MYO1D: variants seen among roughly 807,000 people sequenced by gnomAD.
The protein encoded by MYO1D is unconventional myosin-Id.
Under a neutral mutation model 122.0 loss-of-function variants are expected in MYO1D, and 83 were observed. The ratio of observed to expected loss-of-function variants is 0.68; its 90% CI spans 0.57 to 0.82. The LOEUF (loss-of-function observed/expected upper bound fraction) is 0.82, where lower values mean the gene tolerates loss of function less well. Among genes scored for constraint, MYO1D ranks in the 40% least tolerant of loss-of-function variants. The probability of loss-of-function intolerance (pLI) is 0.00; values close to 1 mark genes in which losing one functional copy is unlikely to be tolerated. For missense variants in MYO1D, 1,157 were observed against 1,269.5 expected (o/e 0.91, Z 1.35); for synonymous variants, 464 against 446.9 (o/e 1.04, Z -0.48).
intron 21 of MYO1D, among the ~76,000 whole-genome samples, chr17:32,536,231 C>CA (rs1447260248): frequency 3.9e-5 from 6 of 152,080 alleles, no homozygotes; most frequent in Non-Finnish European, 8.8e-5. Flanking sequence ...GACAGGGTTT[C>CA]ACCATGTTGG....
At chr17:32,573,717 GC>G (rs1439195291) in intron 21 of MYO1D, among the ~76,000 whole-genome samples, 1 of 152,084 alleles carries the variant, frequency 6.6e-6, no homozygotes, top group East Asian at 1.9e-4. Flanking sequence ...TAGAGACAGG[GC>G]CTTCTTATAT....
chr17:32,667,151 A>G (rs1050377396), intron 16 of MYO1D, among the ~76,000 whole-genome samples: 6 of 152,198 alleles, frequency 3.9e-5, no homozygotes, highest in Non-Finnish European at 7.3e-5. Context: ...AAATATACAA[A>G]ATTTGGTATG....
rs887399366 is a variant in MYO1D at position 32,745,217 on chromosome 17, T to A, written c.1607A>T (p.Tyr536Phe). The A allele has an allele frequency of 6.7e-7, 1 of 1,497,594 alleles. No individual in the cohort carries two copies. The allele number at this position is 1,497,594 out of a possible 1,614,324, so 92.8% of individuals were successfully genotyped here. A position where few individuals can be genotyped will look rare whatever the true frequency, so the allele number is the denominator to read the frequency against. Residue 536 changes from tyrosine to phenylalanine, a missense_variant, in exon 13 of 22, where the codon TAT becomes TTT. By Grantham distance (22) the Tyr-to-Phe change is conservative. Coordinates refer to ENST00000318217, the MANE Select transcript of MYO1D (RefSeq NM_015194.3). ...TLFQDFKRLM[Y>F]NSSNPVLKNM... ...AATAAAATTTCAATCTTACCTGTTATACATAAGGCGCTTGAAATCTTGAAA... is the reference window on the plus strand; with the variant it reads ...AATAAAATTTCAATCTTACCTGTTAAACATAAGGCGCTTGAAATCTTGAAA...
At chr17:32,529,276 C>T (rs2150872050) in intron 21 of MYO1D, among the ~76,000 whole-genome samples, 1 of 152,100 alleles carries the variant, frequency 6.6e-6, no homozygotes, top group Non-Finnish European at 1.5e-5. Context: ...GGTAGTCTGG[C>T]AGGGTCTCAG....
At chr17:32,653,653 T>G (rs1398264967) in intron 19 of MYO1D, among the ~76,000 whole-genome samples, 190 bp downstream of exon 19, 2 of 151,520 alleles carry the variant, frequency 1.3e-5, no homozygotes, top group African/African-American at 4.9e-5. Context: ...TTAGGAAGGC[T>G]TTATAGCCTA....
In MYO1D at chr17:32,748,954, T is replaced by C; in HGVS notation, c.1520A>G (p.His507Arg). The stretch of plus-strand genomic sequence containing the variant: ...TACTCACACTACATCGCCTGCATAA[T>C]GTCGAATTCGAAAATCTCGATCAAA... ...LEFDRDFRIR[H>R]YAGDVVYSVI... The change falls in exon 12 of 22, where the codon CAT becomes CGT. Residue 507 changes from histidine to arginine, a missense_variant. Physicochemically the swap from His to Arg is conservative, Grantham distance 29. Transcript: ENST00000318217. 3 of 1,613,688 alleles carry C rather than the reference T, an allele frequency of 1.9e-6. No homozygotes were observed. Among genetic ancestry groups the C allele is most frequent in the African/African-American group, 2.7e-5 (2 of 75,048 alleles).
chr17:32,718,321 T>C (rs560680822), intron 15 of MYO1D, among the ~76,000 whole-genome samples: 1 of 152,310 alleles, frequency 6.6e-6, no homozygotes, highest in Admixed American at 6.5e-5. Context: ...ACTATTCTGA[T>C]TTCTATCACC....
intron 14 of MYO1D, among the ~76,000 whole-genome samples, chr17:32,729,407 G>A (rs1229359785): frequency 6.6e-6 from 1 of 152,082 alleles, no homozygotes; most frequent in South Asian, 2.1e-4. Flanking sequence ...TCTGGGTGGG[G>A]ATACAAGTCA....
At chr17:32,758,631 G>T (rs1319081406) in intron 10 of MYO1D, among the ~76,000 whole-genome samples, 1 of 152,162 alleles carries the variant, frequency 6.6e-6, no homozygotes, top group Non-Finnish European at 1.5e-5. Flanking sequence ...ACTGGTACGT[G>T]TTAAAGCCAG....
Position 32,735,081 on chromosome 17 carries a change from AACACACACACACACACACACAC to A in MYO1D, c.1746+3150_1746+3171del, listed in dbSNP as rs371150333. 5.8e-5 allele frequency among the ~76,000 whole-genome samples: 8 copies of A among 138,106 alleles called. No homozygotes were observed. In the South Asian group the frequency reaches 7.6e-4, roughly 13 times the overall value. The allele number at this position is 138,106 out of a possible 152,430, so 90.6% of individuals were successfully genotyped here. A position where few individuals can be genotyped will look rare whatever the true frequency, so the allele number is the denominator to read the frequency against. On this transcript the variant is annotated intron_variant, in intron 14 of 21. Transcript: ENST00000318217. The stretch of plus-strand genomic sequence containing the variant: ...GGGCAACAAAGCAAGATTCCATCTG[AACACACACACACACACACACAC>A]ACACACACACACACACACACGAACC...
chr17:32,517,756 T>C (rs1909945367), intron 21 of MYO1D, among the ~76,000 whole-genome samples: 1 of 152,234 alleles, frequency 6.6e-6, no homozygotes, highest in Admixed American at 6.5e-5. Context: ...GGATTCCCCT[T>C]ACATACAATT....
At chr17:32,654,670 T>C in intron 17 of MYO1D, 49 bp from the exon 18 acceptor site, 1 of 1,486,802 alleles carries the variant, frequency 6.7e-7, no homozygotes, top group African/African-American at 1.4e-5. Context: ...TGCAATCCCA[T>C]GCATTCTCTC....
intron 1 of MYO1D, among the ~76,000 whole-genome samples, chr17:32,843,627 AG>A (rs1448347981): frequency 6.6e-6 from 1 of 152,212 alleles, no homozygotes; most frequent in Non-Finnish European, 1.5e-5. Flanking sequence ...AAAGGAGGCA[AG>A]AATGGTTTAC....
intron 16 of MYO1D, among the ~76,000 whole-genome samples, chr17:32,695,126 G>A (rs1233264002): frequency 1.3e-5 from 2 of 152,102 alleles, no homozygotes; most frequent in African/African-American, 2.4e-5. Flanking sequence ...CCAGTTTTGT[G>A]GAAGAAAGAT....
At position 32,847,502 on chromosome 17, in the gene MYO1D, C is replaced by T. The variant is rs535607342; in HGVS notation, c.95+29276G>A. On this transcript the variant is annotated intron_variant, in intron 1 of 21. Coordinates refer to ENST00000318217, the MANE Select transcript of MYO1D (RefSeq NM_015194.3). ...TCATCAGGGACTCACAAAAATGTCCCAATGGGATAGAATAGTTATTACTAT... is the reference window on the plus strand; with the variant it reads ...TCATCAGGGACTCACAAAAATGTCCTAATGGGATAGAATAGTTATTACTAT... 2.0e-5 allele frequency among the ~76,000 whole-genome samples: 3 copies of T among 152,250 alleles called. 1 individual carries two copies. The South Asian group carries it at 6.2e-4, about 32-fold the overall frequency.
In MYO1D at chr17:32,712,034, T is replaced by C; in HGVS notation, c.2075A>G (p.Glu692Gly). 1 of 1,614,190 alleles carries C rather than the reference T, an allele frequency of 6.2e-7. No individual in the cohort carries two copies. Among genetic ancestry groups the C allele is most frequent in the South Asian group, 1.1e-5 (1 of 91,090 alleles). ...RTPRTLFTLEELRAQMLIRIV... is the reference protein window; with the variant it reads ...RTPRTLFTLEGLRAQMLIRIV... ...CCTTATGAGCATCTGGGCACGGAGT[T>C]CTTCCAAGGTAAACAATGTTCGGGG... Residue 692 changes from glutamate to glycine, a missense_variant, in exon 16 of 22, where the codon GAA becomes GGA. By Grantham distance (98) the Glu-to-Gly change is moderately conservative. Coordinates refer to ENST00000318217, the MANE Select transcript of MYO1D (RefSeq NM_015194.3).
Position 32,712,312 on chromosome 17 carries a change from T to C in MYO1D, c.1914-117A>G, listed in dbSNP as rs180726933. 4.2e-5 allele frequency: 37 copies of C among 875,928 alleles called. No individual in the cohort carries two copies. The Admixed American group carries it at 8.0e-4, about 19-fold the overall frequency. The allele number at this position is 875,928 out of a possible 1,614,324, so 54.3% of individuals were successfully genotyped here. A position where few individuals can be genotyped will look rare whatever the true frequency, so the allele number is the denominator to read the frequency against. ...AAACCAAATCTTAGCAAACTATCAA[T>C]AGAATTTCATTAGCCTCATAAGGTA... On this transcript the variant is annotated intron_variant, in intron 15 of 21. Transcript: ENST00000318217.
At chr17:32,793,503 G>C (rs943597717) in intron 1 of MYO1D, among the ~76,000 whole-genome samples, 1 of 152,110 alleles carries the variant, frequency 6.6e-6, no homozygotes, top group African/African-American at 2.4e-5. Context: ...TGTATTGCTT[G>C]ACATTTGAAT....
chr17:32,568,720 T>C (rs1273632089), intron 21 of MYO1D, among the ~76,000 whole-genome samples: 3 of 152,218 alleles, frequency 2.0e-5, no homozygotes, highest in Non-Finnish European at 4.4e-5. Flanking sequence ...TTTCTGACTC[T>C]TCCCCACCCA....
Sources: allele counts gnomAD v4.1 joint callset (sites outside exome capture counted in the v4.1 genomes callset), GRCh38; gene constraint gnomAD v4.1.1; transcripts MANE v1.5; gene names NCBI Gene and HGNC (gene_info 2026-07-23, HGNC 2026-07-21).